The following CD72 variants were observed in gnomAD, a reference collection of about 807,000 sequenced individuals.
The protein encoded by CD72 is CD72 molecule.
In CD72, 28 loss-of-function variants were observed where a neutral mutation model predicts 50.7. The observed-to-expected ratio is 0.55, with a 90% CI of 0.41 to 0.76. The LOEUF is 0.76. Ranked by LOEUF, CD72 falls within the 30% of genes least tolerant of loss-of-function variation. CD72 has a pLI of 0.00. For synonymous variants in CD72, 176 were observed against 171.2 expected (o/e 1.03, Z -0.22); for missense variants, 403 against 420.6 (o/e 0.96, Z 0.37).
intron 1 of CD72, among the ~76,000 whole-genome samples, chr9:35,640,713 G>A (rs1487981962): frequency 2.6e-5 from 4 of 152,042 alleles, no homozygotes; most frequent in East Asian, 3.9e-4. Flanking sequence ...GACGGGGAGC[G>A]AAAGCTCAGC....
At chr9:35,645,131 G>A (rs572317765) in intron 1 of CD72, among the ~76,000 whole-genome samples, 24 of 150,490 alleles carry the variant, frequency 1.6e-4, no homozygotes, top group Non-Finnish European at 2.7e-4. Context: ...CCCAGGAGGC[G>A]GAGGTTGCAG....
intron 1 of CD72, among the ~76,000 whole-genome samples, chr9:35,630,221 A>G (rs1310709537): frequency 6.6e-6 from 1 of 151,632 alleles, no homozygotes; most frequent in East Asian, 1.9e-4. Flanking sequence ...GTATTTTTGT[A>G]GAGAAGGGGT....
chr9:35,611,748 G>A, intron 7 of CD72, 56 bp downstream of exon 7: 1 of 924,642 alleles, frequency 1.1e-6, no homozygotes, highest in Non-Finnish European at 1.8e-6. Context: ...TGATTACCAT[G>A]TCTTTATGGA....
At position 35,612,947 on chromosome 9, in the gene CD72, A is replaced by G. The variant is rs1823009197; in HGVS notation, c.735T>C (p.Phe245=). 6.2e-7 allele frequency: 1 copy of G among 1,613,954 alleles called. No individual in the cohort carries two copies. The highest frequency in any genetic ancestry group is 8.5e-7 in the Non-Finnish European group (1 of 1,179,874). ...SGWIMHQKSC[F]YISLTSKNWQ... ...AATTTTTTGAAGTAAGTGAGATGTA[A>G]AAGCAGCTTTTCTGATGCATTATCC... The change falls in exon 6 of 9, where the codon TTT becomes TTC. Residue 245 remains phenylalanine (F), a synonymous_variant. Coordinates refer to ENST00000259633, the MANE Select transcript of CD72 (RefSeq NM_001782.3).
At chr9:35,635,122 A>T (rs532277264) in intron 1 of CD72, among the ~76,000 whole-genome samples, 1 of 152,324 alleles carries the variant, frequency 6.6e-6, no homozygotes, top group Non-Finnish European at 1.5e-5. Context: ...ATGAGAAAAA[A>T]TAACTTGCTT....
chr9:35,616,116 T>A lies in CD72; in HGVS notation c.515A>T (p.Gln172Leu). 3.1e-6 allele frequency: 5 copies of A among 1,614,198 alleles called. No homozygotes were observed. The highest frequency in any genetic ancestry group is 4.2e-6 in the Non-Finnish European group (5 of 1,180,042). The change falls in exon 5 of 9, where the codon CAG becomes CTG. Residue 172 changes from glutamine to leucine, a missense_variant. By Grantham distance (113) the Gln-to-Leu change is moderately radical. Transcript: ENST00000259633. ...RELAQSQEAL[Q>L]VEQRAHQAAE... is the part of the protein sequence containing the mutation. The stretch of plus-strand genomic sequence containing the variant: ...CGCCTGATGAGCCCTCTGTTCCACC[T>A]GTAGTGCTTCCTGACTCTGCGCCAG...
At chr9:35,645,751 T>C (rs1169761847) in intron 1 of CD72, among the ~76,000 whole-genome samples, 1 of 152,158 alleles carries the variant, frequency 6.6e-6, no homozygotes, top group Non-Finnish European at 1.5e-5. Context: ...TCCCTCCTTG[T>C]AAGAAAACCA....
chr9:35,617,166 G>GCACACT lies in CD72; in HGVS notation c.262+4_262+9dup. ...TTGGCCCCGCGGCTGCCCCGCACAG[G>GCACACT]CACACTCACAGGGGAGAATCCGCCC... is the stretch of plus-strand genomic sequence containing the variant. On this transcript the variant is annotated intron_variant, in intron 3 of 8. Transcript: ENST00000259633. 1 of 1,558,944 alleles carries GCACACT rather than the reference G, an allele frequency of 6.4e-7. No homozygotes were observed. The highest frequency in any genetic ancestry group is 1.2e-5 in the South Asian group (1 of 84,688).
At position 35,618,354 on chromosome 9, in the gene CD72, C is replaced by T; in HGVS notation, c.-51G>A. The T allele has an allele frequency of 6.2e-7, 1 of 1,611,976 alleles. No individual in the cohort carries two copies. The highest frequency in any genetic ancestry group is 8.5e-7 in the Non-Finnish European group (1 of 1,178,926). On this transcript the variant is annotated 5_prime_UTR_variant, in exon 1 of 9. Coordinates refer to ENST00000259633, the MANE Select transcript of CD72 (RefSeq NM_001782.3). ...CGTCTTCCCTGTCATCCACTGTCCT[C>T]CCTTGCCCCTCTCGTCTCTGTCCGT... is the stretch of plus-strand genomic sequence containing the variant.
At chr9:35,624,316 G>A (rs1390093131), upstream of CD72, among the ~76,000 whole-genome samples, 5 of 151,470 alleles carry the variant, frequency 3.3e-5, no homozygotes, top group African/African-American at 1.2e-4. Context: ...GCCTAAGGCT[G>A]GCCAGTCCAT....
chr9:35,625,247 T>G lies in CD72; in HGVS notation n.409-7126A>C, dbSNP rs375963651. 9.7e-4 allele frequency among the ~76,000 whole-genome samples: 147 copies of G among 152,290 alleles called. 1 individual carries two copies. The highest frequency in any genetic ancestry group is 3.4e-3 in the African/African-American group (141 of 41,562). On this transcript the variant is annotated intron_variant and non_coding_transcript_variant, in intron 1 of 3. Transcript: ENST00000465754. The stretch of plus-strand genomic sequence containing the variant: ...GCTACTCCAGTGAACACAGAAATGA[T>G]AAGAAAGCAAAACAGTCTTATTGCT...
At chr9:35,616,984 C>G in intron 3 of CD72, 192 bp downstream of exon 3, 2 of 1,442,188 alleles carry the variant, frequency 1.4e-6, no homozygotes, top group Non-Finnish European at 1.8e-6. Context: ...TGGGACCATC[C>G]GCAGGGGGGC....
intron 1 of CD72, among the ~76,000 whole-genome samples, chr9:35,637,404 C>T (rs1046066057): frequency 6.6e-6 from 1 of 152,226 alleles, no homozygotes; most frequent in African/African-American, 2.4e-5. Flanking sequence ...TGTCCTCGCC[C>T]TAACTCTGTG....
chr9:35,617,377 G>C (rs1823082705), intron 2 of CD72, 130 bp from the exon 3 acceptor site: 1 of 1,008,138 alleles, frequency 9.9e-7, no homozygotes, highest in Non-Finnish European at 1.4e-6. Context: ...AGCTGCTCTG[G>C]GACACAGTGT....
upstream of CD72, chr9:35,618,552 G>A (rs1359986099): frequency 2.3e-6 from 2 of 861,340 alleles, no homozygotes; most frequent in Non-Finnish European, 3.6e-6. Flanking sequence ...CTGAGGTCCA[G>A]AACACAGGGG....
upstream of CD72, among the ~76,000 whole-genome samples, chr9:35,622,739 G>A (rs7030733): frequency 0.094 from 14,265 of 151,602 alleles, 1,100 homozygotes; most frequent in African/African-American, 0.21. Flanking sequence ...GTGAGCCAAG[G>A]TGGTGCCACT....
Position 35,632,579 on chromosome 9 carries a change from CT to C in CD72, n.408+13823del, listed in dbSNP as rs72487368. 3.4e-3 allele frequency among the ~76,000 whole-genome samples: 471 copies of C among 139,906 alleles called. 1 individual carries two copies. Among genetic ancestry groups the C allele is most frequent in the South Asian group, 4.8e-3 (21 of 4,340 alleles). 91.8% of individuals were successfully genotyped at this position (139,906 alleles called of 152,430 possible). A position where few individuals can be genotyped will look rare whatever the true frequency, so the allele number is the denominator to read the frequency against. On this transcript the variant is annotated intron_variant and non_coding_transcript_variant, in intron 1 of 3. Transcript: ENST00000465754. ...GCTTGCAAGAGGTTTATTTTATTAG[CT>C]TTTTTTTTTTTTTCGAGAGGGAGCC...
chr9:35,622,915 T>A (rs896321144), upstream of CD72, among the ~76,000 whole-genome samples: 1 of 152,174 alleles, frequency 6.6e-6, no homozygotes, highest in South Asian at 2.1e-4. Context: ...GAGACCAGAC[T>A]GGCCAACACA....
At chr9:35,613,903 G>A (rs1364249899) in intron 5 of CD72, among the ~76,000 whole-genome samples, 1 of 152,080 alleles carries the variant, frequency 6.6e-6, no homozygotes, top group Non-Finnish European at 1.5e-5. Flanking sequence ...TACTCGGGAG[G>A]CTGAGGCAAA....
Sources: allele counts gnomAD v4.1 joint callset (sites outside exome capture counted in the v4.1 genomes callset), GRCh38; gene constraint gnomAD v4.1.1; transcripts MANE v1.5; gene names NCBI Gene and HGNC (gene_info 2026-07-23, HGNC 2026-07-21).